The following FOXP1 variants were observed in gnomAD, a reference collection of about 807,000 sequenced individuals.
FOXP1 encodes forkhead box P1, also known as forkhead box protein P1.
FOXP1 carries 15 observed loss-of-function variants against 98.2 expected under a neutral mutation model. The observed-to-expected ratio is 0.15, with a 90% confidence interval of 0.10 to 0.24. The LOEUF is 0.24. Among genes scored for constraint, FOXP1 ranks in the 10% least tolerant of loss-of-function variants. The pLI is 1.00. For missense variants in FOXP1, 633 were observed against 848.5 expected (o/e 0.75, Z 3.15); for synonymous variants, 371 against 314.5 (o/e 1.18, Z -1.90).
At chr3:71,126,280 C>T (rs978346281) in intron 6 of FOXP1, among the ~76,000 whole-genome samples, 6 of 149,892 alleles carry the variant, frequency 4.0e-5, no homozygotes, top group Non-Finnish European at 8.9e-5. Context: ...GTCAGGAGAT[C>T]GAGACCATAC....
intron 3 of FOXP1, among the ~76,000 whole-genome samples, chr3:71,452,578 AT>A (rs1413619695): frequency 6.6e-6 from 1 of 152,144 alleles, no homozygotes; most frequent in Non-Finnish European, 1.5e-5. Flanking sequence ...CTCTTGTTGT[AT>A]TTTAATATTT....
At chr3:71,499,658 A>T (rs1458723117) in intron 2 of FOXP1, among the ~76,000 whole-genome samples, 2 of 152,208 alleles carry the variant, frequency 1.3e-5, no homozygotes, top group Non-Finnish European at 2.9e-5. Flanking sequence ...ACACAACCTG[A>T]TAAGAAGTGC....
At chr3:70,972,813 T>G in intron 17 of FOXP1, 137 bp from the exon 18 acceptor site, 1 of 799,048 alleles carries the variant, frequency 1.3e-6, no homozygotes, top group Non-Finnish European at 2.0e-6. Flanking sequence ...GTGGAGGACC[T>G]TCTCATGGTT....
At chr3:71,226,544 G>A (rs909635135) in intron 5 of FOXP1, among the ~76,000 whole-genome samples, 12 of 130,362 alleles carry the variant, frequency 9.2e-5, no homozygotes, top group South Asian at 2.5e-4. Context: ...ATTGCTTCCC[G>A]GGGTTCTCTC....
At chr3:71,464,316 G>A (rs910093773) in intron 3 of FOXP1, among the ~76,000 whole-genome samples, 1 of 152,170 alleles carries the variant, frequency 6.6e-6, no homozygotes, top group African/African-American at 2.4e-5. Flanking sequence ...AGGTCTGCAA[G>A]TCGGGAGCAG....
At chr3:71,148,971 G>C (rs144996348) in intron 6 of FOXP1, among the ~76,000 whole-genome samples, 27 of 152,350 alleles carry the variant, frequency 1.8e-4, no homozygotes, top group African/African-American at 6.5e-4. Context: ...ATTTCCTAGA[G>C]GAACTGGTGT....
chr3:71,573,081 T>C (rs2047460225), intron 2 of FOXP1, among the ~76,000 whole-genome samples: 1 of 152,180 alleles, frequency 6.6e-6, no homozygotes. Flanking sequence ...TTACCTTATA[T>C]TTAAAGAATT....
At chr3:71,001,208 C>G in intron 12 of FOXP1, 149 bp from the exon 13 acceptor site, 2 of 670,366 alleles carry the variant, frequency 3.0e-6, no homozygotes, top group South Asian at 3.2e-5. Flanking sequence ...CCATCCCCAC[C>G]CTTTAATGCT....
chr3:71,583,972 C>G, upstream of FOXP1: 1 of 955,048 alleles, frequency 1.0e-6, no homozygotes, highest in Non-Finnish European at 1.2e-6. Context: ...TTCGCCGGGG[C>G]GCTGGCGCCC....
At chr3:71,476,903 C>T (rs1044854748) in intron 3 of FOXP1, among the ~76,000 whole-genome samples, 2 of 152,124 alleles carry the variant, frequency 1.3e-5, no homozygotes, top group African/African-American at 4.8e-5. Flanking sequence ...CTATGACATT[C>T]CCCAAGAACC....
At chr3:71,106,414 C>A (rs1485074362) in intron 7 of FOXP1, among the ~76,000 whole-genome samples, 2 of 152,110 alleles carry the variant, frequency 1.3e-5, no homozygotes, top group African/African-American at 2.4e-5. Context: ...CGGCTCACTG[C>A]AACCTCCGCC....
At chr3:71,165,077 A>G (rs1318123561) in intron 6 of FOXP1, among the ~76,000 whole-genome samples, 2 of 152,154 alleles carry the variant, frequency 1.3e-5, no homozygotes, top group East Asian at 1.9e-4. Context: ...GTGAACTCCC[A>G]TGAATTTTGG....
chr3:71,485,838 AT>A (rs1193876123), intron 3 of FOXP1, among the ~76,000 whole-genome samples: 1 of 151,846 alleles, frequency 6.6e-6, no homozygotes, highest in African/African-American at 2.4e-5. Flanking sequence ...CTCTGGGGAG[AT>A]TTTTTTCAAC....
intron 6 of FOXP1, among the ~76,000 whole-genome samples, chr3:71,156,185 AG>A (rs997436959): frequency 1.3e-5 from 2 of 151,976 alleles, no homozygotes; most frequent in African/African-American, 2.4e-5. Flanking sequence ...CTCCAGGGGG[AG>A]GGGGGGTGAA....
chr3:71,304,415 C>T (rs753166529), intron 4 of FOXP1, among the ~76,000 whole-genome samples: 26 of 152,302 alleles, frequency 1.7e-4, no homozygotes, highest in African/African-American at 4.8e-5. Flanking sequence ...TTTAGATTCA[C>T]CTTTAGTGTG....
At chr3:71,574,139 A>T (rs2047551081) in intron 2 of FOXP1, 1 of 152,196 alleles carries the variant, frequency 6.6e-6, no homozygotes, top group Admixed American at 6.5e-5. Flanking sequence ...TCAGAACAGA[A>T]ATTTTAAAAG....
chr3:71,404,907 T>C (rs936077741), intron 3 of FOXP1, among the ~76,000 whole-genome samples: 3 of 152,176 alleles, frequency 2.0e-5, no homozygotes, highest in African/African-American at 7.2e-5. Flanking sequence ...CTCATTCCCA[T>C]GGCTTTCAAC....
At chr3:71,291,361 A>G (rs900881082) in intron 5 of FOXP1, among the ~76,000 whole-genome samples, 2 of 152,230 alleles carry the variant, frequency 1.3e-5, no homozygotes, top group African/African-American at 4.8e-5. Flanking sequence ...AAAATTATCA[A>G]ATATTTCATG....
In FOXP1 at chr3:71,376,074, C is replaced by T. The variant is rs561749805; in HGVS notation, c.-167-16830G>A. 2.0e-4 allele frequency among the ~76,000 whole-genome samples: 31 copies of T among 152,120 alleles called. No homozygotes were observed. In the South Asian group the frequency reaches 3.9e-3, roughly 19 times the overall value. Reference sequence around the variant, plus strand: ...GGAAGGTCAATACTGTTTTTGCTCACGGAGCAAATTTAAGAGAGATGAAAT... The same window carrying T: ...GGAAGGTCAATACTGTTTTTGCTCATGGAGCAAATTTAAGAGAGATGAAAT... On this transcript the variant is annotated intron_variant, in intron 3 of 20. Coordinates refer to ENST00000649528, the MANE Select transcript of FOXP1 (RefSeq NM_001349338.3).
Sources: allele counts gnomAD v4.1 joint callset (sites outside exome capture counted in the v4.1 genomes callset), GRCh38; gene constraint gnomAD v4.1.1; transcripts MANE v1.5; gene names NCBI Gene and HGNC (gene_info 2026-07-23, HGNC 2026-07-21).